The following ADAMTS19 variants were observed in gnomAD, a reference collection of about 807,000 sequenced individuals.
ADAMTS19 encodes the protein A disintegrin and metalloproteinase with thrombospondin motifs 19.
ADAMTS19 carries 93 observed loss-of-function variants against 153.3 expected under a neutral mutation model. The ratio of observed to expected loss-of-function variants is 0.61; its 90% CI spans 0.51 to 0.72. The LOEUF (loss-of-function observed/expected upper bound fraction) is 0.72. ADAMTS19 is among the 30% of genes least tolerant of loss of function. ADAMTS19 has a pLI of 0.00. For synonymous variants in ADAMTS19, 600 were observed against 556.6 expected, an observed-to-expected ratio of 1.08 and a Z score of -1.10; for missense variants, 1,482 against 1,552.1, an observed-to-expected ratio of 0.95 and a Z score of 0.76.
At chr5:129,621,625 C>T (rs1276398599) in intron 9 of ADAMTS19, among the ~76,000 whole-genome samples, 2 of 152,180 alleles carry the variant, frequency 1.3e-5, no homozygotes, top group Admixed American at 6.6e-5. Context: ...ATCAGCAGCC[C>T]TTCTGTAGGC....
At chr5:129,572,459 G>A (rs1184652913) in intron 7 of ADAMTS19, among the ~76,000 whole-genome samples, 1 of 151,892 alleles carries the variant, frequency 6.6e-6, no homozygotes, top group East Asian at 1.9e-4. Context: ...TTCACCTAAA[G>A]CCTGATCACA....
rs1421784524 is a variant in ADAMTS19, at chr5:129,679,882, C to A, written c.2625C>A (p.Ile875=). 1 of 1,614,012 alleles carries A rather than the reference C, an allele frequency of 6.2e-7. No homozygotes were observed. The highest frequency in any genetic ancestry group is 1.7e-4 in the Middle Eastern group (1 of 6,058). The part of the protein sequence containing the change: ...HYVRRGLWEK[I]SAKGPTTAPL... ...TAAGACGAGGCCTCTGGGAGAAGATCTCTGCCAAAGGTCCTACTACAGCAC... is the reference window on the plus strand; with the variant it reads ...TAAGACGAGGCCTCTGGGAGAAGATATCTGCCAAAGGTCCTACTACAGCAC... The change falls in exon 17 of 23, where the codon ATC becomes ATA. Residue 875 remains isoleucine, a synonymous_variant. Coordinates refer to ENST00000274487, the MANE Select transcript of ADAMTS19 (RefSeq NM_133638.6).
At chr5:129,475,253 G>A (rs116603299) in intron 2 of ADAMTS19, among the ~76,000 whole-genome samples, 1,603 of 152,040 alleles carry the variant, frequency 0.011, 24 homozygotes, top group African/African-American at 0.037. Flanking sequence ...TAGCTTTTGT[G>A]TATGGTGTTA....
At chr5:129,550,436 A>C (rs368806884) in intron 6 of ADAMTS19, among the ~76,000 whole-genome samples, 11,255 of 105,658 alleles carry the variant, frequency 0.11, 1,140 homozygotes, top group Middle Eastern at 0.14. Context: ...GTATCTGTAT[A>C]TGTATGTATC....
intron 2 of ADAMTS19, among the ~76,000 whole-genome samples, chr5:129,475,615 T>C (rs1332756861): frequency 2.0e-5 from 3 of 152,168 alleles, no homozygotes; most frequent in Non-Finnish European, 1.5e-5. Flanking sequence ...GGCAGATCAC[T>C]TGGGGTCAGG....
chr5:129,618,711 T>C (rs1444484855), intron 8 of ADAMTS19, among the ~76,000 whole-genome samples: 1 of 152,036 alleles, frequency 6.6e-6, no homozygotes, highest in Non-Finnish European at 1.5e-5. Flanking sequence ...TTGTGAATTT[T>C]TCATTATGAA....
rs1754032627 is a variant in ADAMTS19, at chr5:129,665,901, TA to T, written c.2506+323del. Among the ~76,000 whole-genome samples the T allele has an allele frequency of 6.1e-5, 9 of 146,422 alleles. No homozygotes were observed. In the East Asian group the frequency reaches 1.4e-3, roughly 22 times the overall value. On this transcript the variant is annotated intron_variant, in intron 16 of 22. Transcript: ENST00000274487. ...ATATTCATATATATATATATATATA[TA>T]TTTCATAAATATATTTATTTCACAT...
intron 6 of ADAMTS19, among the ~76,000 whole-genome samples, chr5:129,536,218 A>C (rs1752415483): frequency 6.6e-6 from 1 of 152,246 alleles, no homozygotes; most frequent in African/African-American, 2.4e-5. Context: ...TTTACAAGAA[A>C]AAAACAAACA....
chr5:129,685,374 GAA>G (rs1232197786), intron 18 of ADAMTS19, among the ~76,000 whole-genome samples: 1 of 149,292 alleles, frequency 6.7e-6, no homozygotes, highest in Non-Finnish European at 1.5e-5. Flanking sequence ...AACATAGCAG[GAA>G]AAAAAAACAT....
chr5:129,537,397 A>T (rs1752481874), intron 6 of ADAMTS19, among the ~76,000 whole-genome samples: 1 of 152,178 alleles, frequency 6.6e-6, no homozygotes, highest in South Asian at 2.1e-4. Flanking sequence ...AACTACAAAT[A>T]CCATTTGACC....
chr5:129,496,341 T>C (rs1750928211), intron 2 of ADAMTS19, among the ~76,000 whole-genome samples: 3 of 152,134 alleles, frequency 2.0e-5, no homozygotes, highest in Admixed American at 2.0e-4. Context: ...GTTTTGCACA[T>C]TGCTATATTT....
chr5:129,670,538 C>T (rs1754255756), intron 16 of ADAMTS19, among the ~76,000 whole-genome samples: 1 of 152,094 alleles, frequency 6.6e-6, no homozygotes, highest in South Asian at 2.1e-4. Flanking sequence ...TAGATTTGAA[C>T]CCGAGGCATC....
At chr5:129,507,611 A>C (rs1465492342) in intron 2 of ADAMTS19, among the ~76,000 whole-genome samples, 1 of 151,640 alleles carries the variant, frequency 6.6e-6, no homozygotes, top group Non-Finnish European at 1.5e-5. Context: ...TCATTAGAGT[A>C]AATCTTTCTT....
At chr5:129,550,865 T>C (rs1346229958) in intron 6 of ADAMTS19, among the ~76,000 whole-genome samples, 1 of 151,644 alleles carries the variant, frequency 6.6e-6, no homozygotes, top group African/African-American at 2.4e-5. Flanking sequence ...CCTAAAAGCT[T>C]ATTGCTAAGA....
chr5:129,563,818 C>CAAT (rs1753606609), intron 7 of ADAMTS19, among the ~76,000 whole-genome samples: 1 of 152,124 alleles, frequency 6.6e-6, no homozygotes, highest in African/African-American at 2.4e-5. Context: ...TTTCTGACCT[C>CAAT]TAGCTATTCA....
chr5:129,703,917 T>C (rs1326792917), intron 20 of ADAMTS19, among the ~76,000 whole-genome samples: 2 of 152,192 alleles, frequency 1.3e-5, no homozygotes, highest in Admixed American at 6.5e-5. Context: ...GTTTAAAATG[T>C]GATATCAAAT....
intron 21 of ADAMTS19, among the ~76,000 whole-genome samples, chr5:129,721,839 C>T (rs1757017723): frequency 6.6e-6 from 1 of 152,118 alleles, no homozygotes; most frequent in Non-Finnish European, 1.5e-5. Context: ...ACTTATGAGT[C>T]AGAACATGCA....
intron 7 of ADAMTS19, among the ~76,000 whole-genome samples, chr5:129,586,045 C>A (rs1043745351): frequency 1.3e-5 from 2 of 152,110 alleles, no homozygotes; most frequent in African/African-American, 4.8e-5. Context: ...AGGTTCACAG[C>A]AAAATTGAGT....
At chr5:129,568,929 C>A (rs1753804428) in intron 7 of ADAMTS19, among the ~76,000 whole-genome samples, 1 of 151,360 alleles carries the variant, frequency 6.6e-6, no homozygotes, top group African/African-American at 2.4e-5. Flanking sequence ...AAAACAACAT[C>A]AACAAAAAAA....
Sources: allele counts gnomAD v4.1 joint callset (sites outside exome capture counted in the v4.1 genomes callset), GRCh38; gene constraint gnomAD v4.1.1; transcripts MANE v1.5; gene names NCBI Gene and HGNC (gene_info 2026-07-23, HGNC 2026-07-21).